Variants in DRGX observed in about 807,000 individuals in gnomAD.
The protein encoded by DRGX is dorsal root ganglia homeobox.
In DRGX, 21 loss-of-function variants were observed where a neutral mutation model predicts 28.6. That is an observed-to-expected ratio of 0.73 (90% CI 0.52 to 1.06). The LOEUF (loss-of-function observed/expected upper bound fraction) is 1.06, where lower values mean the gene tolerates loss of function less well. Among genes scored for constraint, DRGX ranks in the 50% least tolerant of loss-of-function variants. The pLI is 0.00. For synonymous variants in DRGX, 136 were observed against 139.1 expected (o/e 0.98, Z 0.16); for missense variants, 354 against 343.9 (o/e 1.03, Z -0.23).
rs1306281445 is a variant in DRGX at position 49,365,348 on chromosome 10, G to C, written c.*768C>G. ...CCAATCCACAGGTCTATCTGGGAGA[G>C]AGGAAGGGCTTGCAGGTGAGTGCTT... On this transcript the variant is annotated 3_prime_UTR_variant, in exon 7 of 7. Coordinates refer to ENST00000374139, the MANE Select transcript of DRGX (RefSeq NM_001276451.2). 4 of 152,334 alleles carry C rather than the reference G, an allele frequency of 2.6e-5. No individual in the cohort carries two copies. The highest frequency in any genetic ancestry group is 9.6e-5 in the African/African-American group (4 of 41,452). 9.4% of individuals were successfully genotyped at this position (152,334 alleles called of 1,614,324 possible). A position where few individuals can be genotyped will look rare whatever the true frequency, so the allele number is the denominator to read the frequency against.
At chr10:49,373,740 G>C (rs1288280179) in intron 6 of DRGX, among the ~76,000 whole-genome samples, 1 of 152,054 alleles carries the variant, frequency 6.6e-6, no homozygotes, top group Non-Finnish European at 1.5e-5. Context: ...TTGTTTATAA[G>C]TCCCCGGGTT....
intron 6 of DRGX, among the ~76,000 whole-genome samples, chr10:49,377,756 G>A (rs1450564938): frequency 6.6e-6 from 1 of 152,184 alleles, no homozygotes; most frequent in African/African-American, 2.4e-5. Context: ...TCACGAAAGA[G>A]CCTAAGGAAA....
chr10:49,366,865 A>G (rs972344536), intron 6 of DRGX, among the ~76,000 whole-genome samples: 2 of 152,212 alleles, frequency 1.3e-5, no homozygotes, highest in African/African-American at 2.4e-5. Flanking sequence ...GGCAGTTCCC[A>G]GCCTAACCAC....
chr10:49,379,463 A>G (rs1415099987), intron 6 of DRGX, among the ~76,000 whole-genome samples: 2 of 152,218 alleles, frequency 1.3e-5, no homozygotes, highest in Non-Finnish European at 2.9e-5. Flanking sequence ...AAAAAGGAAA[A>G]CATCGTTAAA....
chr10:49,381,867 C>A (rs898684151), intron 6 of DRGX, among the ~76,000 whole-genome samples: 2 of 152,222 alleles, frequency 1.3e-5, no homozygotes, highest in African/African-American at 2.4e-5. Flanking sequence ...TGTAAGATCC[C>A]AGTAAGACCA....
At chr10:49,389,249 A>G (rs993836702) in intron 4 of DRGX, among the ~76,000 whole-genome samples, 6 of 152,204 alleles carry the variant, frequency 3.9e-5, no homozygotes, top group Admixed American at 3.3e-4. Context: ...ACTGCTCAGA[A>G]TTCCATTATC....
At chr10:49,393,146 A>T (rs4838387) in intron 2 of DRGX, among the ~76,000 whole-genome samples, 11,483 of 152,264 alleles carry the variant, frequency 0.075, 1,144 homozygotes, top group African/African-American at 0.23. Context: ...AACAACCAAA[A>T]TGCCCATCAG....
intron 6 of DRGX, among the ~76,000 whole-genome samples, chr10:49,370,029 G>A (rs891136870): frequency 3.9e-5 from 6 of 152,100 alleles, no homozygotes; most frequent in African/African-American, 1.4e-4. Flanking sequence ...CGTCCCTCCA[G>A]CTCTTGACTA....
At chr10:49,388,830 A>G (rs1395345659) in intron 4 of DRGX, among the ~76,000 whole-genome samples, 2 of 152,146 alleles carry the variant, frequency 1.3e-5, no homozygotes, top group Non-Finnish European at 2.9e-5. Flanking sequence ...CTCCCTTCCC[A>G]CCACCAAAGC....
chr10:49,367,757 C>T (rs1849615674), intron 6 of DRGX, among the ~76,000 whole-genome samples: 1 of 152,242 alleles, frequency 6.6e-6, no homozygotes. Context: ...ACTTGTGTCC[C>T]AGCTCCCCTG....
chr10:49,392,219 C>T (rs1171420163), intron 2 of DRGX, among the ~76,000 whole-genome samples: 1 of 152,240 alleles, frequency 6.6e-6, no homozygotes, highest in Non-Finnish European at 1.5e-5. Context: ...CTCAGAATCA[C>T]GGCATTAGGA....
In DRGX at chr10:49,366,053, AG is replaced by A. The variant is rs1423411302; in HGVS notation, c.*62del. 1.6e-5 allele frequency: 23 copies of A among 1,421,626 alleles called. No homozygotes were observed. The highest frequency in any genetic ancestry group is 1.8e-6 in the Non-Finnish European group (2 of 1,095,128). 88.1% of individuals were successfully genotyped at this position (1,421,626 alleles called of 1,614,324 possible). A position where few individuals can be genotyped will look rare whatever the true frequency, so the allele number is the denominator to read the frequency against. ...CCTTGCTATTTGGAGAGTTTTCTGTAGGGGCTGAGGCTGGGAGAAGGAGGGG... is the reference window on the plus strand; with the variant it reads ...CCTTGCTATTTGGAGAGTTTTCTGTAGGGCTGAGGCTGGGAGAAGGAGGGG... On this transcript the variant is annotated 3_prime_UTR_variant, in exon 7 of 7. Transcript: ENST00000374139.
At position 49,386,694 on chromosome 10, in the gene DRGX, C is replaced by A; in HGVS notation, c.399G>T (p.Leu133=). 2 of 1,580,632 alleles carry A rather than the reference C, an allele frequency of 1.3e-6. No individual in the cohort carries two copies. The highest frequency in any genetic ancestry group is 1.8e-5 in the Admixed American group (1 of 55,564). Residue 133 remains leucine, a synonymous_variant, in exon 5 of 7, where the codon CTG becomes CTT. Coordinates refer to ENST00000374139, the MANE Select transcript of DRGX (RefSeq NM_001276451.2). The part of the protein sequence containing the change: ...GDQARSKKEA[L]EAQQSLGRTV... ...CACAGCCTCACCTCTGCTGGGCCTC[C>A]AGCGCCTCCTTCTTACTCCGGGCTT...
chr10:49,387,983 A>G (rs977184293), intron 4 of DRGX, among the ~76,000 whole-genome samples: 3 of 152,206 alleles, frequency 2.0e-5, no homozygotes, highest in African/African-American at 7.2e-5. Context: ...GAAGATTGGC[A>G]TGTCTGCAAA....
chr10:49,390,812 T>C (rs191276432), intron 3 of DRGX, among the ~76,000 whole-genome samples: 115 of 132,816 alleles, frequency 8.7e-4, no homozygotes, highest in African/African-American at 2.5e-3. Flanking sequence ...CTTCCAGGGA[T>C]CCGGTTTTTC....
At chr10:49,377,362 G>A (rs1206972289) in intron 6 of DRGX, among the ~76,000 whole-genome samples, 2 of 152,206 alleles carry the variant, frequency 1.3e-5, no homozygotes, top group East Asian at 3.8e-4. Context: ...CCAACTCATG[G>A]CAGGGGCCAG....
chr10:49,376,476 T>C (rs1274636764), intron 6 of DRGX, among the ~76,000 whole-genome samples: 1 of 152,120 alleles, frequency 6.6e-6, no homozygotes, highest in African/African-American at 2.4e-5. Context: ...CACTGGGTAC[T>C]GGGAGACTCT....
intron 2 of DRGX, among the ~76,000 whole-genome samples, chr10:49,392,833 C>T (rs1407331649): frequency 6.6e-6 from 1 of 152,126 alleles, no homozygotes; most frequent in Non-Finnish European, 1.5e-5. Context: ...TATGAAAATG[C>T]TAAACCTTGA....
Position 49,383,642 on chromosome 10 carries a change from G to A in DRGX, c.526+2836C>T, listed in dbSNP as rs75532105. 9.7e-3 allele frequency among the ~76,000 whole-genome samples: 1,484 copies of A among 152,326 alleles called. 21 individuals carry two copies. The highest frequency in any genetic ancestry group is 0.033 in the African/African-American group (1,368 of 41,572). On this transcript the variant is annotated intron_variant, in intron 6 of 6. Transcript: ENST00000374139. ...TCATAGATTGAAATCTTGTGATGGC[G>A]TTCAGAGGCAGGGCCTTTGGTAGGA...
Sources: gnomAD v4.1 joint callset for allele counts (sites outside exome capture counted in the v4.1 genomes callset) on GRCh38, gnomAD v4.1.1 for gene constraint, MANE v1.5 for transcripts, NCBI Gene and HGNC (gene_info 2026-07-23, HGNC 2026-07-21) for gene names.